LATS2: variants seen among roughly 807,000 people sequenced by gnomAD.
LATS2 encodes the protein large tumor suppressor kinase 2, also known as serine/threonine-protein kinase LATS2.
In LATS2, 24 loss-of-function variants were observed where a neutral mutation model predicts 76.0. That is an observed-to-expected ratio of 0.32 (90% CI 0.23 to 0.44). The LOEUF (loss-of-function observed/expected upper bound fraction) is 0.44, where lower values mean the gene tolerates loss of function less well. LATS2 is among the 20% of genes least tolerant of loss of function. LATS2 has a pLI of 1.00. For missense variants in LATS2, 1,286 were observed against 1,481.2 expected (o/e 0.87, Z 2.16); for synonymous variants, 692 against 635.4 (o/e 1.09, Z -1.34).
intron 2 of LATS2, among the ~76,000 whole-genome samples, chr13:21,007,698 T>G (rs1436365735): frequency 8.0e-3 from 5 of 624 alleles, no homozygotes; most frequent in Non-Finnish European, 9.6e-3. Flanking sequence ...TATATATATA[T>G]AGTATGTATA....
chr13:20,988,602 T>TGC lies in LATS2; in HGVS notation c.1176_1177dup (p.His393ArgfsTer41). 1 of 1,589,824 alleles carries TGC rather than the reference T, an allele frequency of 6.3e-7. No homozygotes were observed. The highest frequency in any genetic ancestry group is 8.5e-7 in the Non-Finnish European group (1 of 1,175,992). On this transcript the variant is annotated frameshift_variant, in exon 4 of 8. Transcript: ENST00000382592. LOFTEE classifies it high-confidence loss of function. ...TGGGCAGTCAGGCCGGAAGGCCACG[T>TGC]GCGCGCGCGGCGGCGCCTCCAGGCC... is the stretch of plus-strand genomic sequence containing the variant.
intron 2 of LATS2, among the ~76,000 whole-genome samples, chr13:21,024,095 A>G (rs1872202903): frequency 1.8e-5 from 1 of 55,966 alleles, no homozygotes; most frequent in South Asian, 4.8e-4. Context: ...TCGCTGTGCA[A>G]AAAAAAAAAA....
At position 21,007,704 on chromosome 13, in the gene LATS2, G is replaced by GTATA. The variant is rs1319851169; in HGVS notation, c.343-16304_343-16301dup. On this transcript the variant is annotated intron_variant, in intron 2 of 7. Transcript: ENST00000382592. The stretch of plus-strand genomic sequence containing the variant: ...TATAGTATATATATATATATAGTAT[G>GTATA]TATATATATATATATATAGTATATA... Among the ~76,000 whole-genome samples, 2 of 2,488 alleles carry GTATA rather than the reference G, an allele frequency of 8.0e-4. 1 individual carries two copies. The highest frequency in any genetic ancestry group is 1.2e-3 in the Non-Finnish European group (2 of 1,718). 1.6% of individuals were successfully genotyped at this position (2,488 alleles called of 152,430 possible).
chr13:21,019,980 A>AC (rs1871987667), intron 2 of LATS2, among the ~76,000 whole-genome samples: 2 of 151,810 alleles, frequency 1.3e-5, no homozygotes, highest in African/African-American at 4.8e-5. Context: ...ATCTAAAAAA[A>AC]AAAAAAAAAA....
intron 4 of LATS2, among the ~76,000 whole-genome samples, chr13:20,985,766 C>G (rs1420948820): frequency 1.3e-5 from 2 of 151,516 alleles, no homozygotes; most frequent in Admixed American, 6.6e-5. Context: ...TAAAATAAGG[C>G]CAGGCGCGGT....
intron 1 of LATS2, among the ~76,000 whole-genome samples, chr13:21,053,373 C>A (rs895504191): frequency 3.9e-5 from 6 of 152,088 alleles, no homozygotes; most frequent in African/African-American, 1.4e-4. Flanking sequence ...CATGTTCACT[C>A]CCAGCCCTTC....
chr13:21,010,171 G>A (rs1276430199), intron 2 of LATS2, among the ~76,000 whole-genome samples: 1 of 151,674 alleles, frequency 6.6e-6, no homozygotes, highest in Non-Finnish European at 1.5e-5. Context: ...CTGCACTCCA[G>A]AGTAGGCCAT....
At chr13:21,050,220 G>A (rs1439554788) in intron 1 of LATS2, among the ~76,000 whole-genome samples, 1 of 151,420 alleles carries the variant, frequency 6.6e-6, no homozygotes, top group African/African-American at 2.4e-5. Flanking sequence ...GGCTTTTGGG[G>A]GTGGAGGGGG....
At chr13:21,000,752 C>A in intron 2 of LATS2, among the ~76,000 whole-genome samples, 1 of 152,108 alleles carries the variant, frequency 6.6e-6, no homozygotes, top group East Asian at 1.9e-4. Context: ...AACAAATCTA[C>A]CACTGTTCTA....
chr13:21,050,762 G>T (rs1332879585), intron 1 of LATS2, among the ~76,000 whole-genome samples: 1 of 152,218 alleles, frequency 6.6e-6, no homozygotes, highest in Admixed American at 6.5e-5. Context: ...TGCCAAATAC[G>T]CTGAAGAGCG....
At chr13:20,985,409 C>T (rs1160395977) in intron 4 of LATS2, among the ~76,000 whole-genome samples, 1 of 152,100 alleles carries the variant, frequency 6.6e-6, no homozygotes, top group African/African-American at 2.4e-5. Flanking sequence ...GAACTCAACT[C>T]AACAGCAAAA....
chr13:21,048,473 A>T (rs751389167), intron 1 of LATS2, among the ~76,000 whole-genome samples: 1 of 152,188 alleles, frequency 6.6e-6, no homozygotes, highest in African/African-American at 2.4e-5. Context: ...CTCAAAATAC[A>T]TTCACTCGGC....
At chr13:21,010,414 C>A (rs529283068) in intron 2 of LATS2, among the ~76,000 whole-genome samples, 85 of 152,218 alleles carry the variant, frequency 5.6e-4, no homozygotes, top group African/African-American at 2.0e-3. Context: ...GCAAAGCCCC[C>A]ACTCTACAGG....
Position 20,988,662 on chromosome 13 carries a change from G to C in LATS2, c.1118C>G (p.Ala373Gly). 6.3e-7 allele frequency: 1 copy of C among 1,576,816 alleles called. No individual in the cohort carries two copies. The highest frequency in any genetic ancestry group is 2.3e-5 in the East Asian group (1 of 44,192). The change falls in exon 4 of 8, where the codon GCC becomes GGC. Residue 373 changes from alanine to glycine, a missense_variant. By Grantham distance (60) the Ala-to-Gly change is moderately conservative. Coordinates refer to ENST00000382592, the MANE Select transcript of LATS2 (RefSeq NM_014572.3). ...GSTSVQQWPA[A>G]TLARRDSLQK... is the part of the protein sequence containing the mutation. ...CAGGGAGTCCCGGCGGGCCAGGGTG[G>C]CAGCCGGCCACTGCTGGACGGAGGT...
chr13:20,982,846 C>G (rs1489560144), intron 5 of LATS2, among the ~76,000 whole-genome samples: 1 of 151,402 alleles, frequency 6.6e-6, no homozygotes, highest in Non-Finnish European at 1.5e-5. Flanking sequence ...ACAAAATTAG[C>G]CAGAGGTGGT....
intron 2 of LATS2, among the ~76,000 whole-genome samples, chr13:21,029,860 G>A (rs940074701): frequency 6.6e-6 from 1 of 152,102 alleles, no homozygotes; most frequent in African/African-American, 2.4e-5. Flanking sequence ...ACTTTGGGAA[G>A]CCAGGGTGGG....
At chr13:21,043,016 A>G (rs1189025960) in intron 2 of LATS2, among the ~76,000 whole-genome samples, 1 of 149,620 alleles carries the variant, frequency 6.7e-6, no homozygotes. Context: ...AAACAGTAGG[A>G]GTGAAAGGGG....
chr13:20,987,175 A>G (rs1480038284), intron 4 of LATS2, among the ~76,000 whole-genome samples: 2 of 152,336 alleles, frequency 1.3e-5, no homozygotes, highest in African/African-American at 4.8e-5. Context: ...AGCCTGGGTG[A>G]CAGAGCAAGA....
At chr13:21,059,197 T>C (rs1457662933) in intron 1 of LATS2, among the ~76,000 whole-genome samples, 2 of 152,256 alleles carry the variant, frequency 1.3e-5, no homozygotes, top group Non-Finnish European at 2.9e-5. Context: ...TGTTGAATAC[T>C]TTGTGAAAAG....
Sources: allele counts gnomAD v4.1 joint callset (sites outside exome capture counted in the v4.1 genomes callset), GRCh38; gene constraint gnomAD v4.1.1; transcripts MANE v1.5; gene names NCBI Gene and HGNC (gene_info 2026-07-23, HGNC 2026-07-21).